Variants in PCDH11X observed in about 807,000 individuals in gnomAD.
PCDH11X encodes the protein protocadherin-11 X-linked.
Under a neutral mutation model 53.3 loss-of-function variants are expected in PCDH11X, and 18 were observed. The observed-to-expected ratio is 0.34, with a 90% CI of 0.23 to 0.50. The LOEUF is 0.50. Ranked by LOEUF, PCDH11X falls within the 20% of genes least tolerant of loss-of-function variation. PCDH11X has a pLI of 0.98. For missense variants in PCDH11X, 570 were observed against 1,032.4 expected (o/e 0.55, Z 6.14); for synonymous variants, 279 against 393.3 (o/e 0.71, Z 3.44).
At chrX:92,414,719 T>C (rs964542228) in intron 9 of PCDH11X, among the ~76,000 whole-genome samples, 1 of 94,666 alleles carries the variant, frequency 1.1e-5, no homozygotes, top group African/African-American at 5.1e-5. Flanking sequence ...TTTCATAGAA[T>C]CACTATTTAA....
At chrX:91,832,282 G>T (rs1029910673) in intron 4 of PCDH11X, among the ~76,000 whole-genome samples, 138 of 109,395 alleles carry the variant, frequency 1.3e-3, no homozygotes, top group Non-Finnish European at 2.3e-3. Context: ...AGAAAATGTG[G>T]CACATATACA....
intron 6 of PCDH11X, among the ~76,000 whole-genome samples, chrX:91,970,139 G>A (rs776406305): frequency 6.3e-5 from 7 of 111,121 alleles, no homozygotes; most frequent in Non-Finnish European, 1.1e-4. Flanking sequence ...GAATGAAGCC[G>A]CAGACCTTCA....
At chrX:92,293,775 T>TA (rs1401007097) in intron 8 of PCDH11X, among the ~76,000 whole-genome samples, 3 of 109,420 alleles carry the variant, frequency 2.7e-5, no homozygotes, top group African/African-American at 1.0e-4. Context: ...ATAAAATACC[T>TA]AACTAGTACT....
chrX:92,510,692 T>C (rs1256683614), intron 10 of PCDH11X, among the ~76,000 whole-genome samples: 1 of 110,311 alleles, frequency 9.1e-6, no homozygotes, highest in Non-Finnish European at 1.9e-5. Context: ...GTTAACAGAC[T>C]GTATCTTGGA....
intron 6 of PCDH11X, among the ~76,000 whole-genome samples, chrX:92,030,458 A>G (rs1191299232): frequency 9.2e-6 from 1 of 108,555 alleles, no homozygotes; most frequent in Non-Finnish European, 1.9e-5. Context: ...TAGGGCATCT[A>G]TCCCCTCAAG....
chrX:92,606,652 A>G (rs1419310833), intron 10 of PCDH11X, among the ~76,000 whole-genome samples: 3 of 110,719 alleles, frequency 2.7e-5, no homozygotes, highest in East Asian at 2.9e-4. Flanking sequence ...AGTACAAGCA[A>G]CAACAAAAAA....
intron 10 of PCDH11X, among the ~76,000 whole-genome samples, chrX:92,485,670 C>T (rs1172862935): frequency 7.2e-5 from 8 of 111,717 alleles, no homozygotes; most frequent in African/African-American, 2.6e-4. Flanking sequence ...TCTCGAAACT[C>T]ATTTTTTTTC....
chrX:92,412,509 G>GTA (rs748836273), intron 9 of PCDH11X, among the ~76,000 whole-genome samples: 236 of 64,271 alleles, frequency 3.7e-3, no homozygotes, highest in Non-Finnish European at 5.5e-3. Flanking sequence ...AAAGAAAATA[G>GTA]TATATATATA....
At chrX:91,788,863 G>T (rs1935417370) in intron 1 of PCDH11X, among the ~76,000 whole-genome samples, 1 of 111,785 alleles carries the variant, frequency 8.9e-6, no homozygotes, top group South Asian at 3.7e-4. Context: ...AAACTGCCTT[G>T]GATAGCTTCT....
chrX:92,067,275 T>G (rs763791859), intron 6 of PCDH11X, among the ~76,000 whole-genome samples: 1 of 110,462 alleles, frequency 9.1e-6, no homozygotes, highest in South Asian at 3.8e-4. Flanking sequence ...TTTTCCCCAT[T>G]AACTATAATA....
At chrX:92,068,628 T>C (rs768631305) in intron 6 of PCDH11X, among the ~76,000 whole-genome samples, 90 of 108,857 alleles carry the variant, frequency 8.3e-4, no homozygotes, top group African/African-American at 2.9e-3. Flanking sequence ...CAACCTCTGC[T>C]TTCCAGGTTC....
At chrX:91,808,502 A>C (rs1602261460) in intron 1 of PCDH11X, among the ~76,000 whole-genome samples, 1 of 109,570 alleles carries the variant, frequency 9.1e-6, no homozygotes, top group East Asian at 2.9e-4. Flanking sequence ...CTCAAGAAAA[A>C]AAAAAAAGAG....
At chrX:92,555,400 G>T (rs186625954) in intron 10 of PCDH11X, among the ~76,000 whole-genome samples, 1,598 of 111,645 alleles carry the variant, frequency 0.014, 19 homozygotes, top group Non-Finnish European at 0.023. Context: ...TGATAGGGAG[G>T]TTATTTTTCA....
chrX:92,613,080 T>C (rs2148818025), intron 10 of PCDH11X, among the ~76,000 whole-genome samples: 2 of 110,450 alleles, frequency 1.8e-5, no homozygotes, highest in East Asian at 5.7e-4. Context: ...ATCTTTTAAA[T>C]TGGACCTTCA....
intron 8 of PCDH11X, among the ~76,000 whole-genome samples, chrX:92,308,311 C>T (rs887642961): frequency 2.7e-5 from 3 of 110,943 alleles, no homozygotes; most frequent in Admixed American, 9.6e-5. Context: ...GTATATAGAC[C>T]GATGGAATAG....
intron 9 of PCDH11X, among the ~76,000 whole-genome samples, chrX:92,432,690 A>G (rs755909516): frequency 1.8e-5 from 2 of 108,596 alleles, no homozygotes; most frequent in Admixed American, 9.9e-5. Flanking sequence ...TTGTTCACAT[A>G]TATGATAGCT....
intron 6 of PCDH11X, among the ~76,000 whole-genome samples, chrX:91,902,115 G>A (rs1424016522): frequency 9.0e-6 from 1 of 111,417 alleles, no homozygotes; most frequent in Non-Finnish European, 1.9e-5. Context: ...ATTTTGTGGA[G>A]GCAATAAAAA....
rs1326477941 is a variant in PCDH11X at position 91,846,066 on chromosome X, C to CA, written c.540+10032dup. On this transcript the variant is annotated intron_variant, in intron 5 of 10. Transcript: ENST00000682573. ...CAATCTAGACTATAAAGGTGTGAAG[C>CA]AAAAAAAAAATGATTTCTTTCTGAA... Among the ~76,000 whole-genome samples the CA allele has an allele frequency of 3.0e-3, 305 of 102,682 alleles. 2 individuals are homozygous for CA. Among genetic ancestry groups the CA allele is most frequent in the African/African-American group, 9.0e-3 (254 of 28,360 alleles). The allele number at this position is 102,682 out of a possible 115,157, so 89.2% of individuals were successfully genotyped here. A position where few individuals can be genotyped will look rare whatever the true frequency, so the allele number is the denominator to read the frequency against.
At chrX:91,847,200 G>GCT (rs1937727052) in intron 5 of PCDH11X, among the ~76,000 whole-genome samples, 1 of 110,204 alleles carries the variant, frequency 9.1e-6, no homozygotes, top group South Asian at 4.0e-4. Context: ...TGTTGCCCAG[G>GCT]CTGGAGTGTA....
Sources: gnomAD v4.1 joint callset for allele counts (sites outside exome capture counted in the v4.1 genomes callset) on GRCh38, gnomAD v4.1.1 for gene constraint, MANE v1.5 for transcripts, NCBI Gene and HGNC (gene_info 2026-07-23, HGNC 2026-07-21) for gene names.